The following RNF213 variants were observed in gnomAD, a reference collection of about 807,000 sequenced individuals.
RNF213 encodes ring finger protein 213, also known as E3 ubiquitin-protein ligase RNF213.
Under a neutral mutation model 514.4 loss-of-function variants are expected in RNF213, and 341 were observed. The observed-to-expected ratio is 0.66, with a 90% CI of 0.61 to 0.73. The LOEUF (loss-of-function observed/expected upper bound fraction) is 0.73, where lower values mean the gene tolerates loss of function less well. Among genes scored for constraint, RNF213 ranks in the 30% least tolerant of loss-of-function variants. RNF213 has a pLI of 0.00. For synonymous variants in RNF213, 2,655 were observed against 2,658.2 expected (o/e 1.00, Z 0.04); for missense variants, 5,767 against 6,615.6 (o/e 0.87, Z 4.45).
Position 80,389,832 on chromosome 17 carries a change from T to A in RNF213, c.15200T>A (p.Leu5067Ter). The change falls in exon 66 of 68, where the codon TTA (leucine) becomes TAA (stop). Residue 5067 changes from leucine (L) to a stop codon, truncating the protein, a stop_gained. Coordinates refer to ENST00000582970, the MANE Select transcript of RNF213 (RefSeq NM_001256071.3). LOFTEE classifies it high-confidence loss of function. ...GGAATTCTATTCCTTCTGCAGGCCT[T>A]AAACAGATGCCAGTTAAAACACACC... Reference protein sequence around the residue: ...GDQTIHVLKALNRCQLKHTIA... With the variant: ...GDQTIHVLKA 6.2e-7 allele frequency: 1 copy of A among 1,613,914 alleles called. No homozygotes were observed. The highest frequency in any genetic ancestry group is 8.5e-7 in the Non-Finnish European group (1 of 1,179,962).
rs756785270 is a variant in RNF213, at chr17:80,340,253, C to A, written c.5886C>A (p.Tyr1962Ter). 7 of 1,614,162 alleles carry A rather than the reference C, an allele frequency of 4.3e-6. No homozygotes were observed. Among genetic ancestry groups the A allele is most frequent in the Non-Finnish European group, 5.9e-6 (7 of 1,180,042 alleles). The stretch of plus-strand genomic sequence containing the variant: ...CACCCCTCGAGGCCATCCAAGCCTA[C>A]CTGGCAGGTCACTACCGGGTCCCGA... ...PQAPLEAIQA[Y>*]LAGHYRVPKQ... Residue 1962 changes from tyrosine to a stop codon, truncating the protein, a stop_gained, in exon 26 of 68, where the codon TAC (tyrosine) becomes TAA (stop). Coordinates refer to ENST00000582970, the MANE Select transcript of RNF213 (RefSeq NM_001256071.3). LOFTEE classifies it high-confidence loss of function.
At chr17:80,355,240 G>C (rs1222281601) in intron 36 of RNF213, 1 of 456,060 alleles carries the variant, frequency 2.2e-6, no homozygotes, top group East Asian at 7.0e-5. Context: ...CCAGGTCCAA[G>C]CTTCTGTGCC....
chr17:80,369,649 G>A lies in RNF213; in HGVS notation c.12303G>A (p.Gly4101=), dbSNP rs1388451845. 5 of 1,614,224 alleles carry A rather than the reference G, an allele frequency of 3.1e-6. No homozygotes were observed. Among genetic ancestry groups the A allele is most frequent in the Admixed American group, 1.7e-5 (1 of 60,028 alleles). ...SLLSLLFVQK[G]RLRDAAQRHC... is the part of the protein sequence containing the mutation. ...TCTCTCTCCTCTTCGTCCAAAAGGG[G>A]CGCTTAAGAGATGCTGCCCAGAGTA... The change falls in exon 45 of 68, where the codon GGG becomes GGA. Residue 4101 remains glycine (G), a synonymous_variant. Transcript: ENST00000582970.
chr17:80,278,835 C>T, intron 3 of RNF213: 1 of 1,537,230 alleles, frequency 6.5e-7, no homozygotes, highest in South Asian at 1.2e-5. Context: ...CTGCTAATGC[C>T]ATACCCAGCA....
At chr17:80,279,478 T>G (rs1692594107) in intron 3 of RNF213, among the ~76,000 whole-genome samples, 1 of 152,056 alleles carries the variant, frequency 6.6e-6, no homozygotes, top group Non-Finnish European at 1.5e-5. Flanking sequence ...CTTTCTTTTT[T>G]TTTTGAGACA....
intron 37 of RNF213, among the ~76,000 whole-genome samples, chr17:80,359,328 C>G (rs760049185): frequency 6.6e-6 from 1 of 151,824 alleles, no homozygotes; most frequent in Non-Finnish European, 1.5e-5. Context: ...GGGTTGAAGA[C>G]CAGCTTGGGC....
intron 3 of RNF213, chr17:80,278,742 G>T: frequency 6.5e-7 from 1 of 1,537,040 alleles, no homozygotes; most frequent in Non-Finnish European, 8.7e-7. Flanking sequence ...TGCCCTGTCT[G>T]AAGGGGGTCG....
intron 54 of RNF213, chr17:80,379,413 AAC>A: frequency 3.3e-6 from 2 of 603,188 alleles, no homozygotes; most frequent in Non-Finnish European, 6.1e-6. Flanking sequence ...TTATTTAAAA[AAC>A]AGTTCCAGTT....
intron 62 of RNF213, 74 bp downstream of exon 62, chr17:80,386,504 C>G: frequency 6.5e-7 from 1 of 1,533,298 alleles, no homozygotes; most frequent in Non-Finnish European, 9.0e-7. Context: ...CAGACACAAG[C>G]AAGCTTCAGC....
intron 3 of RNF213, among the ~76,000 whole-genome samples, chr17:80,281,284 C>A (rs2044259172): frequency 2.1e-5 from 2 of 93,724 alleles, no homozygotes; most frequent in Admixed American, 1.1e-4. Flanking sequence ...CACTCCCCCC[C>A]ACACACATAC....
chr17:80,375,616 T>C, intron 50 of RNF213, 144 bp from the exon 51 acceptor site: 1 of 675,454 alleles, frequency 1.5e-6, no homozygotes, highest in Non-Finnish European at 2.7e-6. Flanking sequence ...TGAGTTAGAA[T>C]CGCTTGAACC....
chr17:80,377,693 C>A lies in RNF213; in HGVS notation c.13511-69C>A. ...TCAGGGCCAGAGAGTAGAGAGTTAGCTTTCCCTTTTCAATGTGGGTCATTG... is the reference window on the plus strand; with the variant it reads ...TCAGGGCCAGAGAGTAGAGAGTTAGATTTCCCTTTTCAATGTGGGTCATTG... On this transcript the variant is annotated intron_variant, in intron 53 of 67. Transcript: ENST00000582970. This position sits in a 1 kb window ranked among gnomAD's most constrained non-coding sequence, Gnocchi z 4.1. 6.4e-7 allele frequency: 1 copy of A among 1,558,778 alleles called. No homozygotes were observed. The highest frequency in any genetic ancestry group is 8.9e-7 in the Non-Finnish European group (1 of 1,129,448).
At chr17:80,280,087 C>G (rs2044205194) in intron 3 of RNF213, among the ~76,000 whole-genome samples, 1 of 151,110 alleles carries the variant, frequency 6.6e-6, no homozygotes, top group African/African-American at 2.5e-5. Flanking sequence ...CAGGCATGCT[C>G]TTTCCTCTGT....
Position 80,263,583 on chromosome 17 carries a change from C to T in RNF213, c.-99C>T. 1 of 999,164 alleles carries T rather than the reference C, an allele frequency of 1.0e-6. No homozygotes were observed. The highest frequency in any genetic ancestry group is 1.3e-5 in the South Asian group (1 of 78,292). 61.9% of individuals were successfully genotyped at this position (999,164 alleles called of 1,614,324 possible). ...GATTTCACTTTCGCAGAAAATGAAA[C>T]TGAAGCCGTGGTCACGTGACAGGAC... On this transcript the variant is annotated 5_prime_UTR_variant, in exon 2 of 68. Coordinates refer to ENST00000582970, the MANE Select transcript of RNF213 (RefSeq NM_001256071.3). The surrounding 1 kb of genome is among the most constrained non-coding windows in gnomAD (Gnocchi z 4.9).
chr17:80,382,088 G>A (rs746331109), intron 57 of RNF213: 7 of 318,508 alleles, frequency 2.2e-5, no homozygotes, highest in Non-Finnish European at 3.7e-5. Context: ...CTACCATGCT[G>A]GGAGCACGTG....
At chr17:80,340,582 G>C in intron 26 of RNF213, 1 of 422,718 alleles carries the variant, frequency 2.4e-6, no homozygotes. Flanking sequence ...CCTCCTCTCA[G>C]CAAACATCTC....
At chr17:80,322,585 A>T (rs531703740) in intron 17 of RNF213, among the ~76,000 whole-genome samples, 1 of 151,870 alleles carries the variant, frequency 6.6e-6, no homozygotes, top group African/African-American at 2.4e-5. Flanking sequence ...CAAAAAAAAA[A>T]ATTTTTTTTC....
At chr17:80,384,997 A>G in intron 59 of RNF213, 42 bp from the exon 60 acceptor site, 1 of 1,610,044 alleles carries the variant, frequency 6.2e-7, no homozygotes, top group Non-Finnish European at 8.5e-7. Flanking sequence ...AACATTTTTT[A>G]GGTAAATAAA....
Position 80,298,432 on chromosome 17 carries a change from C to A in RNF213, c.2124C>A (p.His708Gln). The A allele has an allele frequency of 1.9e-6, 3 of 1,614,172 alleles. No homozygotes were observed. Among genetic ancestry groups the A allele is most frequent in the Non-Finnish European group, 2.5e-6 (3 of 1,180,042 alleles). Reference sequence around the variant, plus strand: ...GCTGTATGGAGCTGGCCCCGCGGCACAAGGATGCCTGGAGACAGCCTGAGG... The same window carrying A: ...GCTGTATGGAGCTGGCCCCGCGGCAAAAGGATGCCTGGAGACAGCCTGAGG... ...LHCCMELAPR[H>Q]KDAWRQPEDT... Residue 708 changes from histidine to glutamine, a missense_variant, in exon 11 of 68, where the codon CAC becomes CAA. By Grantham distance (24) the His-to-Gln change is conservative. Transcript: ENST00000582970.
Sources: allele counts gnomAD v4.1 joint callset (sites outside exome capture counted in the v4.1 genomes callset), GRCh38; gene constraint gnomAD v4.1.1; non-coding constraint Gnocchi (gnomAD v3.1); transcripts MANE v1.5; gene names NCBI Gene and HGNC (gene_info 2026-07-23, HGNC 2026-07-21).